Variants in ITFG2 observed in about 807,000 individuals in gnomAD.
ITFG2 encodes KICSTOR complex protein ITFG2.
In ITFG2, 36 loss-of-function variants were observed where a neutral mutation model predicts 54.4. The observed-to-expected ratio is 0.66, with a 90% confidence interval of 0.51 to 0.87. ITFG2 has a LOEUF of 0.87. Ranked by LOEUF, ITFG2 falls within the 40% of genes least tolerant of loss-of-function variation. The probability of loss-of-function intolerance (pLI) is 0.00; values close to 1 mark genes in which losing one functional copy is unlikely to be tolerated. For missense variants in ITFG2, 524 were observed against 576.7 expected (o/e 0.91, Z 0.94); for synonymous variants, 211 against 225.4 (o/e 0.94, Z 0.57).
At chr12:2,835,108 C>T (rs940218797), upstream of ITFG2, 23 of 1,433,234 alleles carry the variant, frequency 1.6e-5, no homozygotes, top group Admixed American at 5.7e-5. Flanking sequence ...GCTGACTTGG[C>T]CGCATCCCCA....
intron 2 of ITFG2, among the ~76,000 whole-genome samples, chr12:2,851,290 TTACTG>T (rs1393862102): frequency 6.6e-6 from 1 of 152,118 alleles, no homozygotes; most frequent in Non-Finnish European, 1.5e-5. Flanking sequence ...GCCTAGGACA[TTACTG>T]TACACTACTG....
At chr12:2,830,861 C>G (rs1294552905) in exon 3 of ITFG2, 1 of 1,611,728 alleles carries the variant, frequency 6.2e-7, no homozygotes, top group South Asian at 1.1e-5. Context: ...TGCGCGGCTG[C>G]TGGCTCCATC....
At chr12:2,859,777 A>C in exon 4 of ITFG2, 1 of 742,630 alleles carries the variant, frequency 1.3e-6, no homozygotes, top group Non-Finnish European at 2.1e-6. Flanking sequence ...AAATCTATTA[A>C]ATATGAGAAT....
upstream of ITFG2, chr12:2,835,015 C>T (rs368178817): frequency 9.8e-5 from 149 of 1,521,164 alleles, 3 homozygotes; most frequent in South Asian, 1.5e-3. Context: ...TCCAATTTCC[C>T]GAGATTGCTG....
At chr12:2,816,648 T>A (rs2153923671) in intron 1 of ITFG2, among the ~76,000 whole-genome samples, 1 of 142,884 alleles carries the variant, frequency 7.0e-6, no homozygotes, top group East Asian at 2.1e-4. Flanking sequence ...TTTTTTTTTT[T>A]TTTTTTGAGA....
chr12:2,841,964 C>G (rs550773261), intron 2 of ITFG2, among the ~76,000 whole-genome samples: 10 of 151,526 alleles, frequency 6.6e-5, no homozygotes, highest in South Asian at 4.2e-4. Flanking sequence ...TGATCCACCC[C>G]CTTCAGCCTC....
At chr12:2,853,754 G>A (rs2098078747) in intron 2 of ITFG2, among the ~76,000 whole-genome samples, 1 of 152,082 alleles carries the variant, frequency 6.6e-6, no homozygotes, top group African/African-American at 2.4e-5. Flanking sequence ...TGCCTGGGCT[G>A]GACACAGTTG....
chr12:2,846,483 C>T (rs1307362923), intron 2 of ITFG2, among the ~76,000 whole-genome samples: 11 of 152,082 alleles, frequency 7.2e-5, no homozygotes, highest in African/African-American at 1.9e-4. Context: ...ACACCCCTCC[C>T]GTCCTCTCGC....
At chr12:2,834,931 T>A, upstream of ITFG2, 1 of 1,610,976 alleles carries the variant, frequency 6.2e-7, no homozygotes, top group Non-Finnish European at 8.5e-7. Flanking sequence ...GCTGCAGCTC[T>A]CTTTCCAACA....
At chr12:2,815,016 C>G (rs1329551636) in intron 1 of ITFG2, among the ~76,000 whole-genome samples, 1 of 151,350 alleles carries the variant, frequency 6.6e-6, no homozygotes, top group African/African-American at 2.4e-5. Context: ...TCTTATTGTC[C>G]AGGCTGGAGT....
At chr12:2,844,017 T>C (rs2098047494) in intron 2 of ITFG2, among the ~76,000 whole-genome samples, 2 of 147,210 alleles carry the variant, frequency 1.4e-5, no homozygotes, top group South Asian at 4.3e-4. Context: ...CCCAGGACTT[T>C]GGGAGGCCAA....
In ITFG2 at chr12:2,830,849, A is replaced by C. The variant is rs138497818; in HGVS notation, c.*75A>C. 513 of 1,613,022 alleles carry C rather than the reference A, an allele frequency of 3.2e-4. 1 individual carries two copies. The highest frequency in any genetic ancestry group is 4.1e-4 in the Non-Finnish European group (483 of 1,179,624). ...CCTCCACCAGGCGTCTTTGGATCAC[A>C]CTGCGCGGCTGCTGGCTCCATCACA... On this transcript the variant is annotated 3_prime_UTR_variant and NMD_transcript_variant, in exon 3 of 3. Coordinates refer to the ITFG2 transcript ENST00000538822.
intron 1 of ITFG2, among the ~76,000 whole-genome samples, chr12:2,839,793 G>C (rs1186410682): frequency 1.3e-5 from 2 of 152,158 alleles, no homozygotes; most frequent in African/African-American, 4.8e-5. Flanking sequence ...ACAAAATCAT[G>C]TCCTCTGCAG....
At chr12:2,858,366 TG>T in intron 3 of ITFG2, 1 of 433,772 alleles carries the variant, frequency 2.3e-6, no homozygotes, top group Non-Finnish European at 4.1e-6. Flanking sequence ...GGAAACAGGC[TG>T]GGGGGTTCCT....
chr12:2,834,877 G>A (rs746723132), upstream of ITFG2: 63 of 1,613,422 alleles, frequency 3.9e-5, 1 homozygote, highest in South Asian at 2.2e-4. Flanking sequence ...CGGTGGGGGC[G>A]TCACCGAGTC....
downstream of ITFG2, chr12:2,827,776 A>C: frequency 3.7e-6 from 6 of 1,607,170 alleles, no homozygotes; most frequent in Non-Finnish European, 5.1e-6. This position sits in a 1 kb window ranked among gnomAD's most constrained non-coding sequence, Gnocchi z 4.0. Context: ...CCCCATCCCC[A>C]GATCCGAGGA....
chr12:2,839,434 C>T (rs992955329), intron 1 of ITFG2, among the ~76,000 whole-genome samples: 2 of 152,210 alleles, frequency 1.3e-5, no homozygotes, highest in Admixed American at 6.5e-5. Context: ...AGCGTATTCT[C>T]GTCCAAAACA....
chr12:2,839,285 C>T (rs572655117), intron 1 of ITFG2, among the ~76,000 whole-genome samples: 8 of 151,832 alleles, frequency 5.3e-5, no homozygotes, highest in East Asian at 1.9e-4. Flanking sequence ...GGTGAAACTC[C>T]GGCTCAAAAA....
chr12:2,819,452 A>G (rs2097934624), intron 4 of ITFG2, among the ~76,000 whole-genome samples: 1 of 151,268 alleles, frequency 6.6e-6, no homozygotes, highest in South Asian at 2.1e-4. Context: ...TAGGCGAGAG[A>G]GCGAGACTCC....
Sources: gnomAD v4.1 joint callset for allele counts (sites outside exome capture counted in the v4.1 genomes callset) on GRCh38, gnomAD v4.1.1 for gene constraint, Gnocchi (gnomAD v3.1) non-coding constraint, MANE v1.5 for transcripts, NCBI Gene and HGNC (gene_info 2026-07-23, HGNC 2026-07-21) for gene names.